The following PARD3B variants were observed in gnomAD, a reference collection of about 807,000 sequenced individuals.
PARD3B encodes the protein partitioning defective 3 homolog B.
A neutral mutation model predicts 130.2 loss-of-function variants in PARD3B; 103 were observed. That is an observed-to-expected ratio of 0.79 (90% confidence interval 0.67 to 0.93). The LOEUF is 0.93. Among genes scored for constraint, PARD3B ranks in the 40% least tolerant of loss-of-function variants. The pLI, the probability that PARD3B is intolerant of heterozygous loss-of-function variation, is 0.00. For synonymous variants in PARD3B, 583 were observed against 553.2 expected (o/e 1.05, Z -0.76); for missense variants, 1,609 against 1,499.2 (o/e 1.07, Z -1.21).
intron 18 of PARD3B, among the ~76,000 whole-genome samples, chr2:205,340,172 A>G (rs747340158): frequency 2.6e-5 from 4 of 152,082 alleles, no homozygotes; most frequent in Non-Finnish European, 5.9e-5. Context: ...TGCTTTGGGT[A>G]GTATGGTCAT....
intron 2 of PARD3B, among the ~76,000 whole-genome samples, chr2:204,750,490 G>C (rs576591687): frequency 6.6e-6 from 1 of 152,296 alleles, no homozygotes; most frequent in Admixed American, 6.5e-5. Context: ...GGAGGGTGGG[G>C]CTGGAGAATC....
rs531638383 is a variant in PARD3B at position 204,642,948 on chromosome 2, C to T, written c.121-43233C>T. On this transcript the variant is annotated intron_variant, in intron 1 of 22. Coordinates refer to ENST00000406610, the MANE Select transcript of PARD3B (RefSeq NM_001302769.2). ...CTAACACAGTGAAATCCCGTCTCTA[C>T]TAAAAATACAAAAAAATTAGCCAGG... 2.4e-4 allele frequency among the ~76,000 whole-genome samples: 37 copies of T among 151,124 alleles called. No individual in the cohort carries two copies. In the South Asian group the frequency reaches 7.6e-3, roughly 31 times the overall value.
chr2:204,723,366 T>G (rs2039080129), intron 2 of PARD3B, among the ~76,000 whole-genome samples: 1 of 152,146 alleles, frequency 6.6e-6, no homozygotes, highest in African/African-American at 2.4e-5. Context: ...TTGTAATTTT[T>G]GGGAAAAAAT....
intron 2 of PARD3B, among the ~76,000 whole-genome samples, chr2:204,774,504 T>C (rs1348790161): frequency 1.3e-5 from 2 of 152,100 alleles, no homozygotes; most frequent in Non-Finnish European, 2.9e-5. Flanking sequence ...TTTTGAATTA[T>C]TTTAGACCCT....
intron 4 of PARD3B, among the ~76,000 whole-genome samples, chr2:205,069,739 A>C (rs1173799002): frequency 6.6e-6 from 1 of 152,064 alleles, no homozygotes; most frequent in Non-Finnish European, 1.5e-5. Flanking sequence ...GCCGCACTTG[A>C]ACTCAGCTTC....
chr2:205,551,462 T>G (rs2052644452), intron 21 of PARD3B, among the ~76,000 whole-genome samples: 1 of 152,014 alleles, frequency 6.6e-6, no homozygotes, highest in Non-Finnish European at 1.5e-5. Flanking sequence ...TCTCAATCTC[T>G]CTGTCTGTGA....
intron 18 of PARD3B, among the ~76,000 whole-genome samples, chr2:205,332,364 A>G (rs962275678): frequency 1.3e-5 from 2 of 152,148 alleles, no homozygotes; most frequent in African/African-American, 4.8e-5. Context: ...TTAGAGATGG[A>G]CAGTTCCAAC....
chr2:205,134,818 C>T (rs376929758), intron 10 of PARD3B, among the ~76,000 whole-genome samples: 24 of 152,136 alleles, frequency 1.6e-4, no homozygotes, highest in African/African-American at 3.6e-4. Context: ...GGAGGAAGTG[C>T]GGGGCTATTT....
intron 14 of PARD3B, 81 bp from the exon 15 acceptor site, chr2:205,193,124 T>G (rs1574342866): frequency 7.7e-6 from 7 of 909,324 alleles, no homozygotes. Flanking sequence ...TGAGTGGCTG[T>G]GTTCAAAATG....
chr2:205,125,202 C>A lies in PARD3B; in HGVS notation c.1306-407C>A, dbSNP rs1183590701. On this transcript the variant is annotated intron_variant, in intron 9 of 22. Transcript: ENST00000406610. This position sits in a 1 kb window ranked among gnomAD's most constrained non-coding sequence, Gnocchi z 4.0. ...ATTTTCTAAATATGTTTAAAACCTG[C>A]AGGATTCTATTGCTAGGTTCGTATT... 6.6e-6 allele frequency among the ~76,000 whole-genome samples: 1 copy of A among 152,162 alleles called. No individual in the cohort carries two copies. Among genetic ancestry groups the A allele is most frequent in the Non-Finnish European group, 1.5e-5 (1 of 68,038 alleles).
chr2:204,956,473 A>T (rs1690247163), intron 2 of PARD3B, among the ~76,000 whole-genome samples: 1 of 152,064 alleles, frequency 6.6e-6, no homozygotes, highest in African/African-American at 2.4e-5. Context: ...AAAGCAGGTA[A>T]GATGTGTGTA....
At chr2:205,342,596 T>C (rs2043585035) in intron 18 of PARD3B, among the ~76,000 whole-genome samples, 1 of 152,204 alleles carries the variant, frequency 6.6e-6, no homozygotes, top group Non-Finnish European at 1.5e-5. Context: ...GAGCAGCATA[T>C]GCAGCTGTAT....
At chr2:205,543,639 G>T (rs1268692151) in intron 21 of PARD3B, among the ~76,000 whole-genome samples, 2 of 152,192 alleles carry the variant, frequency 1.3e-5, no homozygotes, top group Non-Finnish European at 2.9e-5. Flanking sequence ...TTGCCACTGT[G>T]TGACCCTTAG....
chr2:205,109,395 A>G (rs1432103505), intron 5 of PARD3B, among the ~76,000 whole-genome samples: 1 of 152,198 alleles, frequency 6.6e-6, no homozygotes, highest in African/African-American at 2.4e-5. Flanking sequence ...TCTGATTGCA[A>G]ATAAAACGTG....
chr2:205,293,136 C>A (rs1007268080), intron 16 of PARD3B, among the ~76,000 whole-genome samples: 1 of 151,684 alleles, frequency 6.6e-6, no homozygotes, highest in Non-Finnish European at 1.5e-5. Flanking sequence ...TAGCATTTAA[C>A]CTTAAAAAAT....
chr2:204,883,248 CAGTT>C (rs878938025), intron 2 of PARD3B, among the ~76,000 whole-genome samples: 2 of 151,356 alleles, frequency 1.3e-5, no homozygotes, highest in South Asian at 2.1e-4. Context: ...ACTATCCTAA[CAGTT>C]AGTCTCTGTC....
chr2:204,957,653 G>A (rs781552612), intron 2 of PARD3B, among the ~76,000 whole-genome samples: 4 of 152,070 alleles, frequency 2.6e-5, no homozygotes, highest in Non-Finnish European at 5.9e-5. Flanking sequence ...AAAATCCTGG[G>A]AAGGAAGAGA....
At chr2:205,599,578 G>A (rs974194302) in intron 22 of PARD3B, among the ~76,000 whole-genome samples, 2 of 152,180 alleles carry the variant, frequency 1.3e-5, no homozygotes, top group Non-Finnish European at 2.9e-5. Context: ...GTGTCAGAGG[G>A]CAAGGGAAAA....
chr2:205,363,227 A>G (rs1001850251), intron 18 of PARD3B, among the ~76,000 whole-genome samples: 2 of 152,196 alleles, frequency 1.3e-5, no homozygotes, highest in Non-Finnish European at 2.9e-5. Flanking sequence ...AAAATCAAAC[A>G]GAAGTCAGAG....
Sources: gnomAD v4.1 joint callset for allele counts (sites outside exome capture counted in the v4.1 genomes callset) on GRCh38, gnomAD v4.1.1 for gene constraint, Gnocchi (gnomAD v3.1) non-coding constraint, MANE v1.5 for transcripts, NCBI Gene and HGNC (gene_info 2026-07-23, HGNC 2026-07-21) for gene names.